SEPTIN9: variants seen among roughly 807,000 people sequenced by gnomAD.
SEPTIN9 encodes the protein septin-9.
A neutral mutation model predicts 56.6 loss-of-function variants in SEPTIN9; 13 were observed. The observed-to-expected ratio is 0.23, with a 90% CI of 0.15 to 0.37. The LOEUF (loss-of-function observed/expected upper bound fraction) is 0.37. Ranked by LOEUF, SEPTIN9 falls within the 10% of genes least tolerant of loss-of-function variation. SEPTIN9 has a pLI of 1.00. For missense variants in SEPTIN9, 650 were observed against 823.1 expected (o/e 0.79, Z 2.57); for synonymous variants, 332 against 334.1 (o/e 0.99, Z 0.07).
At chr17:77,392,817 T>C (rs1213621959) in intron 2 of SEPTIN9, among the ~76,000 whole-genome samples, 1 of 152,156 alleles carries the variant, frequency 6.6e-6, no homozygotes, top group East Asian at 1.9e-4. Context: ...TAAACAAATG[T>C]GGCTCTCTGT....
intron 2 of SEPTIN9, among the ~76,000 whole-genome samples, chr17:77,352,527 C>T (rs941479394): frequency 5.3e-5 from 8 of 152,228 alleles, no homozygotes; most frequent in Non-Finnish European, 1.0e-4. Context: ...CCGAGGGAGA[C>T]TGTCCCATGC....
intron 3 of SEPTIN9, among the ~76,000 whole-genome samples, chr17:77,418,942 C>G (rs1285183417): frequency 6.6e-6 from 1 of 152,148 alleles, no homozygotes; most frequent in African/African-American, 2.4e-5. Context: ...TCCCCTGTCT[C>G]CCAGGGTCCC....
At chr17:77,485,162 T>C (rs111210976) in intron 4 of SEPTIN9, among the ~76,000 whole-genome samples, 16,392 of 129,540 alleles carry the variant, frequency 0.13, 1,548 homozygotes, top group East Asian at 0.37. Flanking sequence ...GGGGTGATGA[T>C]GGTAATGTGG....
In SEPTIN9 at chr17:77,400,217, T is replaced by G. The variant is rs2035855507; in HGVS notation, c.77-1842T>G. Among the ~76,000 whole-genome samples the G allele has an allele frequency of 6.6e-6, 1 of 152,200 alleles. No individual in the cohort carries two copies. Among genetic ancestry groups the G allele is most frequent in the South Asian group, 2.1e-4 (1 of 4,832 alleles). On this transcript the variant is annotated intron_variant, in intron 2 of 11. Transcript: ENST00000427177. The surrounding 1 kb of genome is among the most constrained non-coding windows in gnomAD (Gnocchi z 4.1). ...TCAGTGTTTTAAAAAGGGCTTGTTT[T>G]GCTTTGTGCCAGCATTTAAAGATCA...
intron 3 of SEPTIN9, among the ~76,000 whole-genome samples, chr17:77,465,261 C>G (rs1201073370): frequency 6.6e-6 from 1 of 152,178 alleles, no homozygotes; most frequent in Non-Finnish European, 1.5e-5. Context: ...TGGGTTGTTT[C>G]TGCTTTTTGG....
At position 77,476,639 on chromosome 17, in the gene SEPTIN9, C is replaced by A. The variant is rs2039225449; in HGVS notation, c.722-5505C>A. Among the ~76,000 whole-genome samples the A allele has an allele frequency of 6.6e-6, 1 of 152,264 alleles. No individual in the cohort carries two copies. Among genetic ancestry groups the A allele is most frequent in the Non-Finnish European group, 1.5e-5 (1 of 68,040 alleles). ...CAGTCCCCATCACGGGACCGGTGAC[C>A]TACTGCCACCAGCGCCAGTGAATGG... is the stretch of plus-strand genomic sequence containing the variant. On this transcript the variant is annotated intron_variant, in intron 3 of 11. Coordinates refer to ENST00000427177, the MANE Select transcript of SEPTIN9 (RefSeq NM_001113491.2). The surrounding 1 kb of genome is among the most constrained non-coding windows in gnomAD (Gnocchi z 6.0).
At chr17:77,427,631 T>C (rs1351062371) in intron 3 of SEPTIN9, among the ~76,000 whole-genome samples, 1 of 152,172 alleles carries the variant, frequency 6.6e-6, no homozygotes, top group Non-Finnish European at 1.5e-5. Context: ...TAGGTTGACA[T>C]TGTCAGCCTT....
Position 77,475,822 on chromosome 17 carries a change from G to T in SEPTIN9, c.722-6322G>T, listed in dbSNP as rs1295439847. 2 of 1,613,532 alleles carry T rather than the reference G, an allele frequency of 1.2e-6. No homozygotes were observed. The highest frequency in any genetic ancestry group is 2.2e-5 in the East Asian group (1 of 44,884). On this transcript the variant is annotated intron_variant, in intron 3 of 11. Transcript: ENST00000427177. The surrounding 1 kb of genome is among the most constrained non-coding windows in gnomAD (Gnocchi z 4.6). ...CCACCGGCTCCCCTGCCGTGGCCTG[G>T]TCAGTGGCTTCACAGGCCTCCGTGG...
intron 10 of SEPTIN9, among the ~76,000 whole-genome samples, chr17:77,495,371 T>C (rs2040217833): frequency 6.6e-6 from 1 of 152,192 alleles, no homozygotes; most frequent in Admixed American, 6.5e-5. Context: ...CATGAGTTCA[T>C]AGCTGACCTG....
rs1011473392 is a variant in SEPTIN9, at chr17:77,492,893, A to C, written c.1477-87A>C. The C allele has an allele frequency of 7.4e-6, 10 of 1,352,176 alleles. No homozygotes were observed. The highest frequency in any genetic ancestry group is 1.0e-5 in the Non-Finnish European group (10 of 961,996). The allele number at this position is 1,352,176 out of a possible 1,614,324, so 83.8% of individuals were successfully genotyped here. Reference sequence around the variant, plus strand: ...GAGGCTCTCGTTTTTGGGGGACCCCAGGCTCAGGGCAGCTCCTCCCGGGGG... The same window carrying C: ...GAGGCTCTCGTTTTTGGGGGACCCCCGGCTCAGGGCAGCTCCTCCCGGGGG... On this transcript the variant is annotated intron_variant, in intron 9 of 11. Transcript: ENST00000427177. The surrounding 1 kb of genome is among the most constrained non-coding windows in gnomAD (Gnocchi z 5.4).
chr17:77,401,006 G>A (rs1568038975), intron 2 of SEPTIN9, among the ~76,000 whole-genome samples: 1 of 152,184 alleles, frequency 6.6e-6, no homozygotes. Context: ...CGGGCTTGTA[G>A]TAGTGGATGG....
At chr17:77,452,475 T>A (rs965668525) in intron 3 of SEPTIN9, among the ~76,000 whole-genome samples, 7 of 152,250 alleles carry the variant, frequency 4.6e-5, no homozygotes, top group Non-Finnish European at 7.3e-5. Context: ...TGAAATCTGC[T>A]GTGTTTTGGT....
At chr17:77,473,423 G>T (rs950855302) in intron 3 of SEPTIN9, among the ~76,000 whole-genome samples, 1 of 151,932 alleles carries the variant, frequency 6.6e-6, no homozygotes, top group Non-Finnish European at 1.5e-5. Context: ...TATAGGGATG[G>T]GGTCTCGCTA....
intron 2 of SEPTIN9, among the ~76,000 whole-genome samples, chr17:77,316,185 T>C (rs1234452787): frequency 6.6e-6 from 1 of 152,188 alleles, no homozygotes; most frequent in African/African-American, 2.4e-5. Flanking sequence ...CGCAGGGGCC[T>C]GGGTCTGCAC....
At position 77,474,560 on chromosome 17, in the gene SEPTIN9, G is replaced by A. The variant is rs1010954304; in HGVS notation, c.722-7584G>A. On this transcript the variant is annotated intron_variant, in intron 3 of 11. Coordinates refer to ENST00000427177, the MANE Select transcript of SEPTIN9 (RefSeq NM_001113491.2). ...GGGAGAGCAACTGAGGGAGGAGCTG[G>A]AGGCCAAGGCCTCAGTGCTGAGCTG... is the stretch of plus-strand genomic sequence containing the variant. Among the ~76,000 whole-genome samples, 3 of 152,168 alleles carry A rather than the reference G, an allele frequency of 2.0e-5. No individual in the cohort carries two copies. The South Asian group carries it at 6.2e-4, about 31-fold the overall frequency.
chr17:77,397,870 C>G (rs1369559375), intron 2 of SEPTIN9, among the ~76,000 whole-genome samples: 1 of 152,070 alleles, frequency 6.6e-6, no homozygotes, highest in Admixed American at 6.6e-5. Context: ...AGGCTGGTTT[C>G]GAACTCCTGA....
rs144247680 is a variant in SEPTIN9, at chr17:77,495,232, C to T, written c.1574-2083C>T. 2.6e-5 allele frequency among the ~76,000 whole-genome samples: 4 copies of T among 152,318 alleles called. No individual in the cohort carries two copies. The East Asian group carries it at 7.7e-4, about 29-fold the overall frequency. On this transcript the variant is annotated intron_variant, in intron 10 of 11. Transcript: ENST00000427177. ...CCTGTGCGTTGTTGAGCACCACTGG[C>T]TCCAGCTGAGGAAGAGTCTGGAACC...
intron 3 of SEPTIN9, among the ~76,000 whole-genome samples, chr17:77,431,469 T>C (rs184328): frequency 0.076 from 11,540 of 152,230 alleles, 1,377 homozygotes; most frequent in African/African-American, 0.25. Context: ...CGTTTCCTTC[T>C]AGTCTTTTTC....
intron 1 of SEPTIN9, among the ~76,000 whole-genome samples, chr17:77,283,223 G>A (rs1041321672): frequency 2.7e-5 from 4 of 148,252 alleles, no homozygotes; most frequent in Non-Finnish European, 5.9e-5. Flanking sequence ...AGTAGAGTTT[G>A]TGGAGTGAGC....
Sources: allele counts gnomAD v4.1 joint callset (sites outside exome capture counted in the v4.1 genomes callset), GRCh38; gene constraint gnomAD v4.1.1; non-coding constraint Gnocchi (gnomAD v3.1); transcripts MANE v1.5; gene names NCBI Gene and HGNC (gene_info 2026-07-23, HGNC 2026-07-21).